SLC4A10: variants seen among roughly 807,000 people sequenced by gnomAD.
SLC4A10 encodes the protein solute carrier family 4 member 10.
Under a neutral mutation model 137.7 loss-of-function variants are expected in SLC4A10, and 42 were observed. The ratio of observed to expected loss-of-function variants is 0.30; its 90% CI spans 0.24 to 0.39. The LOEUF (loss-of-function observed/expected upper bound fraction) is 0.39, where lower values mean the gene tolerates loss of function less well. SLC4A10 is among the 10% of genes least tolerant of loss of function. The pLI, the probability that SLC4A10 is intolerant of heterozygous loss-of-function variation, is 1.00. For synonymous variants in SLC4A10, 474 were observed against 464.1 expected, an observed-to-expected ratio of 1.02 and a Z score of -0.27; for missense variants, 925 against 1,355.0, an observed-to-expected ratio of 0.68 and a Z score of 4.98.
chr2:161,820,854 T>A (rs1267228223), intron 3 of SLC4A10, among the ~76,000 whole-genome samples: 1 of 152,220 alleles, frequency 6.6e-6, no homozygotes, highest in Non-Finnish European at 1.5e-5. Context: ...TTTTGGTAGA[T>A]AATGCCAAAT....
At chr2:161,882,138 A>C (rs1440788154) in intron 9 of SLC4A10, among the ~76,000 whole-genome samples, 1 of 151,762 alleles carries the variant, frequency 6.6e-6, no homozygotes, top group African/African-American at 2.4e-5. Context: ...TAAAAAAAAA[A>C]AACACGGAAA....
intron 4 of SLC4A10, among the ~76,000 whole-genome samples, chr2:161,843,779 A>G (rs2059334095): frequency 6.6e-6 from 1 of 152,092 alleles, no homozygotes; most frequent in Non-Finnish European, 1.5e-5. Context: ...TCCAGATGGG[A>G]TTAATAATTT....
chr2:161,917,442 A>T (rs1355473626), intron 15 of SLC4A10, among the ~76,000 whole-genome samples: 1 of 152,038 alleles, frequency 6.6e-6, no homozygotes, highest in East Asian at 1.9e-4. Context: ...TAGAAACAAG[A>T]TTGCTAGGTT....
intron 11 of SLC4A10, among the ~76,000 whole-genome samples, chr2:161,895,906 T>C (rs1191450436): frequency 6.6e-6 from 1 of 151,976 alleles, no homozygotes. Context: ...GTGCAGAAGC[T>C]CTTTAGTTTA....
intron 1 of SLC4A10, among the ~76,000 whole-genome samples, chr2:161,722,761 C>G (rs2045822808): frequency 6.6e-6 from 1 of 152,192 alleles, no homozygotes; most frequent in Non-Finnish European, 1.5e-5. Context: ...TCTTCAGAGC[C>G]AGCAGACAGG....
At chr2:161,780,913 T>C (rs552254497) in intron 2 of SLC4A10, among the ~76,000 whole-genome samples, 1 of 152,164 alleles carries the variant, frequency 6.6e-6, no homozygotes, top group Admixed American at 6.6e-5. Flanking sequence ...AATCTGATGT[T>C]GTAAAATTAT....
At chr2:161,876,534 G>A (rs1575407413) in intron 8 of SLC4A10, among the ~76,000 whole-genome samples, 2 of 151,918 alleles carry the variant, frequency 1.3e-5, no homozygotes, top group East Asian at 1.9e-4. Context: ...GAAAAAATCA[G>A]CCAGGCATGG....
intron 3 of SLC4A10, among the ~76,000 whole-genome samples, chr2:161,809,327 A>G (rs768388481): frequency 2.0e-5 from 3 of 152,006 alleles, no homozygotes; most frequent in Non-Finnish European, 4.4e-5. Flanking sequence ...CCCATTCTGT[A>G]AGCTATCTGT....
chr2:161,914,993 G>C (rs561129152), intron 15 of SLC4A10, among the ~76,000 whole-genome samples: 1 of 152,000 alleles, frequency 6.6e-6, no homozygotes, highest in African/African-American at 2.4e-5. Context: ...GTTCTCTTCC[G>C]ATTGGTTCTT....
At chr2:161,881,086 A>C (rs917053758) in intron 9 of SLC4A10, among the ~76,000 whole-genome samples, 9 of 152,090 alleles carry the variant, frequency 5.9e-5, no homozygotes, top group African/African-American at 1.7e-4. Context: ...AGGAAAGGTG[A>C]AAAATGGAAG....
chr2:161,926,386 G>GTTTTTTTGTT (rs1689097172), intron 15 of SLC4A10, among the ~76,000 whole-genome samples: 2 of 22,926 alleles, frequency 8.7e-5, no homozygotes, highest in African/African-American at 2.3e-4. Flanking sequence ...CCTTTTTTTG[G>GTTTTTTTGTT]TTTTTTTTTT....
intron 1 of SLC4A10, among the ~76,000 whole-genome samples, chr2:161,742,542 G>C (rs1360214122): frequency 6.8e-6 from 1 of 147,892 alleles, no homozygotes; most frequent in Admixed American, 6.8e-5. Context: ...CTGAGTTCAA[G>C]GGATTCTCCT....
At chr2:161,708,263 T>C (rs551224700) in intron 1 of SLC4A10, among the ~76,000 whole-genome samples, 1 of 151,630 alleles carries the variant, frequency 6.6e-6, no homozygotes, top group South Asian at 2.1e-4. Context: ...GAGAGTATAA[T>C]TTTGCTTGGT....
At chr2:161,846,165 A>G (rs2059480916) in intron 4 of SLC4A10, among the ~76,000 whole-genome samples, 1 of 152,202 alleles carries the variant, frequency 6.6e-6, no homozygotes, top group Admixed American at 6.5e-5. Context: ...GGCAAAAGGC[A>G]CAAACAGACA....
At position 161,958,566 on chromosome 2, in the gene SLC4A10, T is replaced by C; in HGVS notation, c.2862+11T>C. 1 of 1,592,248 alleles carries C rather than the reference T, an allele frequency of 6.3e-7. No homozygotes were observed. The highest frequency in any genetic ancestry group is 1.1e-5 in the South Asian group (1 of 89,706). ...CTAAAGGGAATTCAGGTAAATTACT[T>C]ACAGTACTACAGGCACATCTGTGAT... On this transcript the variant is annotated intron_variant, in intron 21 of 26. Transcript: ENST00000446997.
At chr2:161,850,838 G>A (rs2059787708) in intron 4 of SLC4A10, among the ~76,000 whole-genome samples, 1 of 151,866 alleles carries the variant, frequency 6.6e-6, no homozygotes, top group Non-Finnish European at 1.5e-5. Context: ...TCTTTTTTAT[G>A]TCGACATTTA....
chr2:161,867,771 G>A lies in SLC4A10; in HGVS notation c.767-4522G>A, dbSNP rs183958304. Among the ~76,000 whole-genome samples the A allele has an allele frequency of 7.9e-5, 12 of 151,938 alleles. No individual in the cohort carries two copies. In the East Asian group the frequency reaches 2.3e-3, roughly 29 times the overall value. Reference sequence around the variant, plus strand: ...AAATATTTAGCCCTTCTTTCTTCATGTTTTCTATTCCCATGAATAAATGTA... The same window carrying A: ...AAATATTTAGCCCTTCTTTCTTCATATTTTCTATTCCCATGAATAAATGTA... On this transcript the variant is annotated intron_variant, in intron 6 of 26. Transcript: ENST00000446997.
chr2:161,705,146 TA>T (rs769046470), intron 1 of SLC4A10, among the ~76,000 whole-genome samples: 2 of 151,532 alleles, frequency 1.3e-5, no homozygotes, highest in Non-Finnish European at 3.0e-5. Context: ...TTTCTCAACC[TA>T]AAAATATTAA....
chr2:161,783,078 C>G (rs2125486525), intron 2 of SLC4A10, among the ~76,000 whole-genome samples: 1 of 151,898 alleles, frequency 6.6e-6, no homozygotes, highest in South Asian at 2.1e-4. Flanking sequence ...GAAAAAGCAA[C>G]AAGGGAAAAG....
Sources: allele counts gnomAD v4.1 joint callset (sites outside exome capture counted in the v4.1 genomes callset), GRCh38; gene constraint gnomAD v4.1.1; transcripts MANE v1.5; gene names NCBI Gene and HGNC (gene_info 2026-07-23, HGNC 2026-07-21).